The following SYDE2 variants were observed in gnomAD, a reference collection of about 807,000 sequenced individuals.
SYDE2 encodes the protein rho GTPase-activating protein SYDE2.
Under a neutral mutation model 91.5 loss-of-function variants are expected in SYDE2, and 76 were observed. That is an observed-to-expected ratio of 0.83 (90% CI 0.69 to 1.01). The LOEUF (loss-of-function observed/expected upper bound fraction) is 1.01, where lower values mean the gene tolerates loss of function less well. Ranked by LOEUF, SYDE2 falls within the 50% of genes least tolerant of loss-of-function variation. The pLI is 0.00. For synonymous variants in SYDE2, 513 were observed against 506.4 expected (o/e 1.01, Z -0.18); for missense variants, 1,364 against 1,367.7 (o/e 1.00, Z 0.04).
intron 6 of SYDE2, among the ~76,000 whole-genome samples, chr1:85,163,442 A>AATATATATATATATATATATAT (rs1491322072): frequency 1.2e-4 from 6 of 50,732 alleles, no homozygotes; most frequent in Admixed American, 2.7e-4. Context: ...CTTGTACTTT[A>AATATATATATATATATATATAT]ATCTATATAT....
Position 85,182,397 on chromosome 1 carries a change from A to C in SYDE2, c.2245T>G (p.Trp749Gly), listed in dbSNP as rs1570257330. 7 of 1,613,840 alleles carry C rather than the reference A, an allele frequency of 4.3e-6. 1 individual carries two copies. In the Admixed American group the frequency reaches 1.0e-4, roughly 23 times the overall value. The change falls in exon 3 of 7, where the codon TGG (tryptophan) becomes GGG (glycine). Residue 749 changes from tryptophan (W) to glycine (G), a missense_variant. By Grantham distance (184) the Trp-to-Gly change is radical (BLOSUM62 -2). Transcript: ENST00000341460. ...AQHLKLVVFS[W>G]EPTPRKNRVC... The stretch of plus-strand genomic sequence containing the variant: ...CGATTTTTTCTTGGAGTGGGTTCCC[A>C]ACTGAATACTACTAGTTTCAAATGT...
chr1:85,162,105 G>A lies in SYDE2; in HGVS notation c.3085+2421C>T, dbSNP rs574848923. 1.5e-4 allele frequency among the ~76,000 whole-genome samples: 23 copies of A among 152,014 alleles called. No individual in the cohort carries two copies. In the South Asian group the frequency reaches 4.8e-3, roughly 32 times the overall value. ...TTCTAACCAATTACTTTGAAGACAG[G>A]ATTTTTCAAATATAAATCTCAAAGC... On this transcript the variant is annotated intron_variant, in intron 6 of 6. Transcript: ENST00000341460.
intron 6 of SYDE2, 90 bp downstream of exon 6, chr1:85,164,436 T>A (rs1400927858): frequency 1.7e-5 from 16 of 960,552 alleles, no homozygotes; most frequent in South Asian, 1.2e-4. Flanking sequence ...CTAGAAGAGT[T>A]TCTTCAATCA....
chr1:85,172,184 A>C (rs1657526542), intron 4 of SYDE2, among the ~76,000 whole-genome samples: 1 of 152,218 alleles, frequency 6.6e-6, no homozygotes, highest in African/African-American at 2.4e-5. Context: ...ATGCCAAAGA[A>C]GGCACATTGA....
chr1:85,169,241 C>T lies in SYDE2; in HGVS notation c.2672-16G>A, dbSNP rs748405517. On this transcript the variant is annotated splice_polypyrimidine_tract_variant and intron_variant, in intron 4 of 6. Coordinates refer to ENST00000341460, the MANE Select transcript of SYDE2 (RefSeq NM_032184.2). ...TTAAGAACACCTTTAAAAAACAAAC[C>T]GCAGACAGTTGGTGATTGGACTGCA... 18 of 1,597,262 alleles carry T rather than the reference C, an allele frequency of 1.1e-5. No individual in the cohort carries two copies. Among genetic ancestry groups the T allele is most frequent in the Middle Eastern group, 3.4e-4 (2 of 5,904 alleles).
At chr1:85,187,820 A>T (rs2100682123) in intron 2 of SYDE2, among the ~76,000 whole-genome samples, 1 of 144,484 alleles carries the variant, frequency 6.9e-6, no homozygotes, top group Non-Finnish European at 1.5e-5. Flanking sequence ...GAACAATGAG[A>T]ACACATGGAC....
chr1:85,192,363 G>A (rs1658402349), intron 1 of SYDE2, among the ~76,000 whole-genome samples: 2 of 152,098 alleles, frequency 1.3e-5, no homozygotes, highest in Non-Finnish European at 2.9e-5. Flanking sequence ...AGCTATGATT[G>A]TGCCACTGCA....
chr1:85,155,009 C>CAAAAA, downstream of SYDE2, among the ~76,000 whole-genome samples: 11 of 80,560 alleles, frequency 1.4e-4, no homozygotes, highest in African/African-American at 4.4e-4. Flanking sequence ...AAGAATGCAG[C>CAAAAA]AAAAAAAAAA....
At chr1:85,193,482 C>A (rs894651264) in intron 1 of SYDE2, among the ~76,000 whole-genome samples, 1 of 152,114 alleles carries the variant, frequency 6.6e-6, no homozygotes, top group African/African-American at 2.4e-5. Flanking sequence ...AGTTTTCTGA[C>A]ATACACTATA....
At chr1:85,198,528 T>A (rs1658687786) in intron 1 of SYDE2, among the ~76,000 whole-genome samples, 1 of 152,218 alleles carries the variant, frequency 6.6e-6, no homozygotes, top group Admixed American at 6.5e-5. Context: ...TGGCTTAGAT[T>A]TCTCATAAAA....
intron 1 of SYDE2, chr1:85,194,691 G>A: frequency 2.7e-6 from 1 of 372,048 alleles, no homozygotes; most frequent in Non-Finnish European, 3.7e-6. Context: ...GCAATTAAAA[G>A]TTTTTCACTC....
chr1:85,199,633 T>C (rs1231325919), intron 1 of SYDE2, among the ~76,000 whole-genome samples: 1 of 152,180 alleles, frequency 6.6e-6, no homozygotes, highest in Admixed American at 6.5e-5. Flanking sequence ...GGTTTCTTTG[T>C]CGGGGGGAGG....
chr1:85,176,718 T>A (rs955501065), intron 4 of SYDE2, among the ~76,000 whole-genome samples: 4 of 151,972 alleles, frequency 2.6e-5, no homozygotes, highest in African/African-American at 9.7e-5. Context: ...CACTGAAGCA[T>A]CTATAAATGA....
At chr1:85,162,370 G>A (rs1270229509) in intron 6 of SYDE2, among the ~76,000 whole-genome samples, 1 of 152,136 alleles carries the variant, frequency 6.6e-6, no homozygotes, top group Non-Finnish European at 1.5e-5. Flanking sequence ...CATTCTCTAT[G>A]TCACCATCAA....
intron 4 of SYDE2, among the ~76,000 whole-genome samples, chr1:85,175,524 T>C (rs1657664866): frequency 6.6e-6 from 1 of 152,154 alleles, no homozygotes; most frequent in Non-Finnish European, 1.5e-5. Flanking sequence ...ATGGATTTTA[T>C]ACCTAAAATT....
Position 85,200,745 on chromosome 1 carries a change from G to A in SYDE2, c.252C>T (p.Ser84=). The change falls in exon 1 of 7, where the codon AGC becomes AGT. Residue 84 remains serine, a synonymous_variant. Transcript: ENST00000341460. The part of the protein sequence containing the change: ...LRTPRMRPSC[S]RSLESLRVGA... ...CCACCCGGAGGCTCTCGAGGCTTCT[G>A]CTGCAGGACGGCCGCATCCGAGGAG... 1.3e-6 allele frequency: 2 copies of A among 1,531,500 alleles called. No individual in the cohort carries two copies. The highest frequency in any genetic ancestry group is 1.2e-5 in the South Asian group (1 of 83,822). 94.9% of individuals were successfully genotyped at this position (1,531,500 alleles called of 1,614,324 possible). A position where few individuals can be genotyped will look rare whatever the true frequency, so the allele number is the denominator to read the frequency against.
rs764232001 is a variant in SYDE2 at position 85,182,556 on chromosome 1, G to A, written c.2086C>T (p.Arg696Trp). 4.3e-6 allele frequency: 7 copies of A among 1,613,872 alleles called. No individual in the cohort carries two copies. The highest frequency in any genetic ancestry group is 2.2e-5 in the South Asian group (2 of 91,072). ...FYGAEDLKPP[R>W]IDSKDVFCAI... is the part of the protein sequence containing the mutation. ...CAAAAGACGTCTTTTGAATCTATCC[G>A]AGGTGGTTTTAAATCCTCAGCACCA... is the stretch of plus-strand genomic sequence containing the variant. Residue 696 changes from arginine to tryptophan, a missense_variant, in exon 3 of 7, where the codon CGG becomes TGG. By Grantham distance (101) the Arg-to-Trp change is moderately radical (BLOSUM62 -3). Transcript: ENST00000341460.
downstream of SYDE2, chr1:85,153,928 G>T (rs1361869251): frequency 1.3e-5 from 2 of 152,050 alleles, no homozygotes; most frequent in African/African-American, 4.8e-5. Context: ...CACCCTCAAA[G>T]TCTTCCCTTT....
intron 6 of SYDE2, among the ~76,000 whole-genome samples, chr1:85,163,471 A>ATATATATATG (rs1657149234): frequency 7.0e-6 from 1 of 142,170 alleles, no homozygotes; most frequent in Non-Finnish European, 1.5e-5. Flanking sequence ...ATATATATAT[A>ATATATATATG]TATATATATA....
Sources: gnomAD v4.1 joint callset for allele counts (sites outside exome capture counted in the v4.1 genomes callset) on GRCh38, gnomAD v4.1.1 for gene constraint, MANE v1.5 for transcripts, NCBI Gene and HGNC (gene_info 2026-07-23, HGNC 2026-07-21) for gene names.